Variants in OTOG observed in about 807,000 individuals in gnomAD.
OTOG encodes otogelin.
OTOG carries 296 observed loss-of-function variants against 313.8 expected under a neutral mutation model. The ratio of observed to expected loss-of-function variants is 0.94; its 90% CI spans 0.86 to 1.04. The LOEUF is 1.04. Ranked by LOEUF, OTOG falls within the 50% of genes least tolerant of loss-of-function variation. The probability of loss-of-function intolerance (pLI) is 0.00; values close to 1 mark genes in which losing one functional copy is unlikely to be tolerated. For synonymous variants in OTOG, 1,533 were observed against 1,554.9 expected (o/e 0.99, Z 0.33); for missense variants, 3,948 against 3,840.1 (o/e 1.03, Z -0.74).
chr11:17,609,559 T>A, intron 35 of OTOG, 96 bp from the exon 36 acceptor site: 1 of 1,104,450 alleles, frequency 9.1e-7, no homozygotes, highest in Non-Finnish European at 1.3e-6. Context: ...TCACCGAGAG[T>A]GCCAGTCCTC....
intron 35 of OTOG, 58 bp from the exon 36 acceptor site, chr11:17,609,597 A>G: frequency 2.2e-6 from 3 of 1,381,976 alleles, no homozygotes; most frequent in Non-Finnish European, 2.9e-6. Context: ...CCTGCCCAGC[A>G]ATGACCCCCG....
At chr11:17,600,012 T>C (rs1284766306) in intron 31 of OTOG, among the ~76,000 whole-genome samples, 1 of 152,240 alleles carries the variant, frequency 6.6e-6, no homozygotes, top group Non-Finnish European at 1.5e-5. Flanking sequence ...TCCTCCGCCT[T>C]CATAATCTAG....
intron 31 of OTOG, among the ~76,000 whole-genome samples, chr11:17,600,914 C>T (rs867260062): frequency 6.6e-6 from 1 of 152,216 alleles, no homozygotes; most frequent in Non-Finnish European, 1.5e-5. Flanking sequence ...CTGGTCCGGG[C>T]CCGCCAGGTG....
intron 40 of OTOG, 75 bp from the exon 41 acceptor site, chr11:17,631,627 T>C (rs545468846): frequency 2.4e-6 from 3 of 1,233,004 alleles, no homozygotes; most frequent in Non-Finnish European, 3.4e-6. Flanking sequence ...CTGTGAGGAA[T>C]ACAAAAAGTG....
At position 17,594,145 on chromosome 11, in the gene OTOG, C is replaced by A; in HGVS notation, c.3387C>A (p.Gly1129=). ...NLELTNPQEF[G]SSWAAVECPD... ...AGCTAACTAACCCCCAGGAGTTTGG[C>A]AGCAGTTGGGCTGCAGTTGAGGTAA... The change falls in exon 28 of 56, where the codon GGC becomes GGA. Residue 1129 remains glycine (G), a synonymous_variant. Transcript: ENST00000399397. The A allele has an allele frequency of 6.4e-7, 1 of 1,550,606 alleles. No individual in the cohort carries two copies. The highest frequency in any genetic ancestry group is 8.7e-7 in the Non-Finnish European group (1 of 1,146,996).
rs79466394 is a variant in OTOG, at chr11:17,604,376, C to T, written c.3878-1481C>T. 6.2e-3 allele frequency among the ~76,000 whole-genome samples: 939 copies of T among 152,282 alleles called. 40 individuals carry two copies. In the East Asian group the frequency reaches 0.11, roughly 17 times the overall value. On this transcript the variant is annotated intron_variant, in intron 32 of 55. Transcript: ENST00000399397. ...AGGAGAAGTGACTTGCCTGAGGTCA[C>T]GCATCCAGTGGAGCGGGCTGGGGCT... is the stretch of plus-strand genomic sequence containing the variant.
intron 7 of OTOG, among the ~76,000 whole-genome samples, chr11:17,556,430 T>C (rs1387059445): frequency 6.6e-6 from 1 of 152,204 alleles, no homozygotes; most frequent in African/African-American, 2.4e-5. Context: ...CTCACTGTTC[T>C]TTCCTTTCCT....
intron 23 of OTOG, among the ~76,000 whole-genome samples, chr11:17,581,078 T>C (rs1034876500): frequency 6.6e-6 from 1 of 152,106 alleles, no homozygotes; most frequent in Non-Finnish European, 1.5e-5. Context: ...GAGAAACAAA[T>C]AGTACATGCA....
rs1318086159 is a variant in OTOG, at chr11:17,642,257, CCTT to C, written c.8415+14_8415+16del. ...ACTGAGTGTGCCAAGGTCAGTGCCTCCTTCTCCACTGAGGCTGTAGGCCAGGGG... is the reference window on the plus strand; with the variant it reads ...ACTGAGTGTGCCAAGGTCAGTGCCTCCTCCACTGAGGCTGTAGGCCAGGGG... On this transcript the variant is annotated intron_variant, in intron 53 of 55. Coordinates refer to ENST00000399397, the MANE Select transcript of OTOG (RefSeq NM_001292063.2). The C allele has an allele frequency of 2.6e-6, 4 of 1,545,300 alleles. No homozygotes were observed. The highest frequency in any genetic ancestry group is 3.5e-6 in the Non-Finnish European group (4 of 1,143,718).
rs890585959 is a variant in OTOG at position 17,556,822 on chromosome 11, C to A, written c.660-296C>A. Among the ~76,000 whole-genome samples, 3 of 152,058 alleles carry A rather than the reference C, an allele frequency of 2.0e-5. No homozygotes were observed. The East Asian group carries it at 5.8e-4, about 29-fold the overall frequency. ...TTTCCACTTGGTTCCTGCTCCCCAC[C>A]AAAAAAATAAAGCAGATGTTTGTTT... is the stretch of plus-strand genomic sequence containing the variant. On this transcript the variant is annotated intron_variant, in intron 7 of 55. Coordinates refer to ENST00000399397, the MANE Select transcript of OTOG (RefSeq NM_001292063.2).
intron 54 of OTOG, among the ~76,000 whole-genome samples, chr11:17,644,903 C>T (rs1424873030): frequency 1.3e-5 from 2 of 152,004 alleles, no homozygotes; most frequent in Non-Finnish European, 2.9e-5. Context: ...TCAGGTAATG[C>T]CTGGGAGAGG....
Position 17,631,808 on chromosome 11 carries a change from C to G in OTOG, c.6819C>G (p.Ser2273Arg), listed in dbSNP as rs1298465395. Reference protein sequence around the residue: ...APFLDSWQVPSSLTSVGQTRF... With the variant: ...APFLDSWQVPRSLTSVGQTRF... ...TTCTGGACAGCTGGCAGGTGCCCAGCTCCCTGACCTCAGTGGGCCAGACCC... is the reference window on the plus strand; with the variant it reads ...TTCTGGACAGCTGGCAGGTGCCCAGGTCCCTGACCTCAGTGGGCCAGACCC... The change falls in exon 41 of 56, where the codon AGC (serine) becomes AGG (arginine). Residue 2273 changes from serine (S) to arginine (R), a missense_variant. Physicochemically the swap from Ser to Arg is moderately radical, Grantham distance 110. Transcript: ENST00000399397. 1.3e-6 allele frequency: 2 copies of G among 1,550,644 alleles called. No individual in the cohort carries two copies. Among genetic ancestry groups the G allele is most frequent in the Non-Finnish European group, 1.7e-6 (2 of 1,147,006 alleles).
At chr11:17,642,371 G>A (rs1167317068) in intron 53 of OTOG, 125 bp downstream of exon 53, 2 of 1,275,222 alleles carry the variant, frequency 1.6e-6, no homozygotes, top group Non-Finnish European at 2.1e-6. Context: ...TGCCTGCACT[G>A]CCACCCCAAA....
In OTOG at chr11:17,641,111, G is replaced by A. The variant is rs1043436811; in HGVS notation, c.8190+20G>A. The stretch of plus-strand genomic sequence containing the variant: ...GAGGCGGTAGGGTGCAGCCCAGGGC[G>A]GGGTGGGTGGGGTTGGGAGGGCTTG... On this transcript the variant is annotated intron_variant, in intron 51 of 55. Transcript: ENST00000399397. 1.1e-4 allele frequency: 169 copies of A among 1,511,076 alleles called. 1 individual carries two copies. The highest frequency in any genetic ancestry group is 1.8e-4 in the African/African-American group (13 of 72,212). 93.6% of individuals were successfully genotyped at this position (1,511,076 alleles called of 1,614,324 possible). A position where few individuals can be genotyped will look rare whatever the true frequency, so the allele number is the denominator to read the frequency against.
Position 17,574,774 on chromosome 11 carries a change from G to T in OTOG, c.2348G>T (p.Arg783Leu), listed in dbSNP as rs372771088. Residue 783 changes from arginine to leucine, a missense_variant, in exon 20 of 56, where the codon CGT becomes CTT. By Grantham distance (102) the Arg-to-Leu change is moderately radical. Coordinates refer to ENST00000399397, the MANE Select transcript of OTOG (RefSeq NM_001292063.2). Reference protein sequence around the residue: ...EYSPCVAPCGRTCQDLASPEA... With the variant: ...EYSPCVAPCGLTCQDLASPEA... ...AGCCCCTGCGTGGCCCCGTGTGGAC[G>T]TACCTGCCAGGACCTGGCCAGCCCT... The T allele has an allele frequency of 4.8e-5, 74 of 1,550,560 alleles. No individual in the cohort carries two copies. Among genetic ancestry groups the T allele is most frequent in the Admixed American group, 3.3e-4 (17 of 50,988 alleles).
At chr11:17,553,635 C>G in intron 6 of OTOG, 116 bp downstream of exon 6, 2 of 969,538 alleles carry the variant, frequency 2.1e-6, no homozygotes, top group East Asian at 6.3e-5. Flanking sequence ...CCTTGCATCG[C>G]CCCCCAGCTC....
rs1853122239 is a variant in OTOG, at chr11:17,596,891, C to T, written c.3566C>T (p.Thr1189Ile). 5 of 1,551,078 alleles carry T rather than the reference C, an allele frequency of 3.2e-6. No homozygotes were observed. The highest frequency in any genetic ancestry group is 3.5e-6 in the Non-Finnish European group (4 of 1,147,102). ...TWFYSNCLTD[T>I]CGCSQGGDCE... Reference sequence around the variant, plus strand: ...TTTTACTCAAACTGCCTGACAGACACATGTGGCTGCAGCCAGGGTGGTGAC... The same window carrying T: ...TTTTACTCAAACTGCCTGACAGACATATGTGGCTGCAGCCAGGGTGGTGAC... Residue 1189 changes from threonine (T) to isoleucine (I), a missense_variant, in exon 30 of 56, where the codon ACA becomes ATA. By Grantham distance (89) the Thr-to-Ile change is moderately conservative. Coordinates refer to ENST00000399397, the MANE Select transcript of OTOG (RefSeq NM_001292063.2).
intron 28 of OTOG, among the ~76,000 whole-genome samples, chr11:17,594,654 G>T (rs7117215): frequency 6.6e-6 from 1 of 152,202 alleles, no homozygotes; most frequent in Non-Finnish European, 1.5e-5. Flanking sequence ...AGCAGAGATA[G>T]AAATGAGGGG....
chr11:17,611,463 C>A, intron 36 of OTOG, 40 bp downstream of exon 36: 1 of 1,462,612 alleles, frequency 6.8e-7, no homozygotes, highest in South Asian at 1.4e-5. Flanking sequence ...CGTATGTGAC[C>A]CTTCCCTTCA....
Sources: gnomAD v4.1 joint callset for allele counts (sites outside exome capture counted in the v4.1 genomes callset) on GRCh38, gnomAD v4.1.1 for gene constraint, MANE v1.5 for transcripts, NCBI Gene and HGNC (gene_info 2026-07-23, HGNC 2026-07-21) for gene names.